RO60: variants seen among roughly 807,000 people sequenced by gnomAD.
RO60 encodes Ro60, Y RNA binding protein.
RO60 carries 20 observed loss-of-function variants against 55.3 expected under a neutral mutation model. The ratio of observed to expected loss-of-function variants is 0.36; its 90% CI spans 0.25 to 0.53. The LOEUF is 0.53. Ranked by LOEUF, RO60 falls within the 20% of genes least tolerant of loss-of-function variation. The probability of loss-of-function intolerance (pLI) is 0.92; values close to 1 mark genes in which losing one functional copy is unlikely to be tolerated. For synonymous variants in RO60, 213 were observed against 213.6 expected (o/e 1.00, Z 0.02); for missense variants, 558 against 646.6 (o/e 0.86, Z 1.49).
At chr1:193,060,797 A>G (rs1672574454) in intron 1 of RO60, among the ~76,000 whole-genome samples, 1 of 152,214 alleles carries the variant, frequency 6.6e-6, no homozygotes, top group South Asian at 2.1e-4. Flanking sequence ...CTTGGAGACT[A>G]GGAGGATTCT....
rs183476795 is a variant in RO60, at chr1:193,088,658, T to C, written c.*3927T>C. The stretch of plus-strand genomic sequence containing the variant: ...TCAAAAATGAAAAATTCTAGTCTTA[T>C]ATACTGCAGGTTTGGGGTGATTGTT... On this transcript the variant is annotated 3_prime_UTR_variant, in exon 9 of 9. Coordinates refer to ENST00000400968, the MANE Select transcript of RO60 (RefSeq NM_001173524.2). 5.9e-5 allele frequency: 9 copies of C among 152,318 alleles called. No homozygotes were observed. In the East Asian group the frequency reaches 1.5e-3, roughly 26 times the overall value. 9.4% of individuals were successfully genotyped at this position (152,318 alleles called of 1,614,324 possible). A position where few individuals can be genotyped will look rare whatever the true frequency, so the allele number is the denominator to read the frequency against.
chr1:193,062,704 A>G (rs748005737), intron 1 of RO60, among the ~76,000 whole-genome samples: 56 of 152,310 alleles, frequency 3.7e-4, no homozygotes, highest in Admixed American at 5.9e-4. Context: ...ACAGCCTCTG[A>G]CAACCTTAGA....
chr1:193,081,540 A>G (rs1009938340), intron 6 of RO60, 60 bp downstream of exon 6: 5 of 838,108 alleles, frequency 6.0e-6, no homozygotes, highest in African/African-American at 3.4e-5. Flanking sequence ...GAGCAAAACT[A>G]TAAGATTAAT....
At chr1:193,067,713 T>C (rs1416879918) in intron 1 of RO60, among the ~76,000 whole-genome samples, 1 of 152,190 alleles carries the variant, frequency 6.6e-6, no homozygotes, top group East Asian at 1.9e-4. Flanking sequence ...CAATTGTGGT[T>C]CCTCCATTAG....
At chr1:193,071,926 C>A (rs1370715158) in intron 2 of RO60, among the ~76,000 whole-genome samples, 1 of 150,454 alleles carries the variant, frequency 6.6e-6, no homozygotes, top group African/African-American at 2.4e-5. Context: ...TACATCATAG[C>A]CCTTTTGTCC....
At chr1:193,076,193 C>G (rs1426351418) in intron 3 of RO60, among the ~76,000 whole-genome samples, 153 bp downstream of exon 3, 1 of 151,764 alleles carries the variant, frequency 6.6e-6, no homozygotes, top group African/African-American at 2.4e-5. Context: ...AAACACCTAC[C>G]ATGATGTCCA....
intron 2 of RO60, among the ~76,000 whole-genome samples, chr1:193,074,492 G>GTTTTCAT (rs1308890811): frequency 8.5e-5 from 13 of 152,232 alleles, no homozygotes; most frequent in African/African-American, 2.7e-4. Context: ...GGCCAGTGAT[G>GTTTTCAT]ATGAGCATGT....
rs761477210 is a variant in RO60, at chr1:193,082,240, G to C, written c.1258G>C (p.Val420Leu). The change falls in exon 7 of 9, where the codon GTA (valine) becomes CTA (leucine). Residue 420 changes from valine (V) to leucine (L), a missense_variant. Val to Leu is a conservative substitution (Grantham distance 32). Coordinates refer to ENST00000400968, the MANE Select transcript of RO60 (RefSeq NM_001173524.2). ...SYVVAFSDEMVPCPVTTDMTL... is the reference protein window; with the variant it reads ...SYVVAFSDEMLPCPVTTDMTL... Reference sequence around the variant, plus strand: ...TGTAGTTGCTTTTTCCGATGAAATGGTACCATGTCCAGTGACTACAGATAT... The same window carrying C: ...TGTAGTTGCTTTTTCCGATGAAATGCTACCATGTCCAGTGACTACAGATAT... The C allele has an allele frequency of 3.7e-6, 6 of 1,613,362 alleles. No homozygotes were observed. The Admixed American group carries it at 6.7e-5, about 18-fold the overall frequency.
chr1:193,071,103 G>A (rs982180526), intron 2 of RO60, among the ~76,000 whole-genome samples: 3 of 152,144 alleles, frequency 2.0e-5, no homozygotes, highest in African/African-American at 7.2e-5. Flanking sequence ...ATTCTCATAA[G>A]GAGAGCGCAA....
At position 193,090,079 on chromosome 1, in the gene RO60, C is replaced by G. The variant is rs963340942; in HGVS notation, c.*5348C>G. The G allele has an allele frequency of 6.6e-6, 1 of 152,212 alleles. No homozygotes were observed. The highest frequency in any genetic ancestry group is 2.4e-5 in the African/African-American group (1 of 41,440). The allele number at this position is 152,212 out of a possible 1,614,324, so 9.4% of individuals were successfully genotyped here. ...TCGGCCTTCCAAAGTGCTAGGATTA[C>G]AGGCGTGAGCCACCGCACCTGGCCA... On this transcript the variant is annotated 3_prime_UTR_variant, in exon 9 of 9. Coordinates refer to ENST00000400968, the MANE Select transcript of RO60 (RefSeq NM_001173524.2).
At chr1:193,064,669 A>G (rs1003692801) in intron 1 of RO60, among the ~76,000 whole-genome samples, 1 of 152,218 alleles carries the variant, frequency 6.6e-6, no homozygotes, top group African/African-American at 2.4e-5. Flanking sequence ...TGCACTCTGG[A>G]AAGTACAGTC....
chr1:193,069,512 C>T lies in RO60; in HGVS notation c.458C>T (p.Ala153Val), dbSNP rs750010367. The change falls in exon 2 of 9, where the codon GCG becomes GTG. Residue 153 changes from alanine to valine, a missense_variant. By Grantham distance (64) the Ala-to-Val change is moderately conservative. Coordinates refer to ENST00000400968, the MANE Select transcript of RO60 (RefSeq NM_001173524.2). The part of the protein sequence containing the change: ...MWGRALRKAI[A>V]DWYNEKGGMA... ...GGTCGTGCCCTCCGGAAGGCTATAG[C>T]GGACTGGTACAATGAGAAAGGTGGC... The T allele has an allele frequency of 4.6e-5, 74 of 1,613,992 alleles. No individual in the cohort carries two copies. The highest frequency in any genetic ancestry group is 5.7e-5 in the Non-Finnish European group (67 of 1,180,020).
chr1:193,085,855 C>G lies in RO60; in HGVS notation c.*1124C>G, dbSNP rs1230813686. 1 of 984,988 alleles carries G rather than the reference C, an allele frequency of 1.0e-6. No individual in the cohort carries two copies. Among genetic ancestry groups the G allele is most frequent in the Non-Finnish European group, 1.2e-6 (1 of 829,808 alleles). The allele number at this position is 984,988 out of a possible 1,614,324, so 61.0% of individuals were successfully genotyped here. A position where few individuals can be genotyped will look rare whatever the true frequency, so the allele number is the denominator to read the frequency against. On this transcript the variant is annotated 3_prime_UTR_variant, in exon 9 of 9. Transcript: ENST00000400968. ...TTTTGAGTAGCATATTACCAGCTAG[C>G]CAGTCACTAGGAATTTTTTTCAGTA...
chr1:193,064,791 T>A (rs1673004646), intron 1 of RO60, among the ~76,000 whole-genome samples: 1 of 152,232 alleles, frequency 6.6e-6, no homozygotes, highest in Admixed American at 6.5e-5. Context: ...CATGAATAAG[T>A]AACTTTATTT....
At chr1:193,063,066 ATGCTAACTATATTTAACCT>A (rs1672888776) in intron 1 of RO60, among the ~76,000 whole-genome samples, 1 of 152,196 alleles carries the variant, frequency 6.6e-6, no homozygotes, top group Non-Finnish European at 1.5e-5. Flanking sequence ...CCTCGGTCAT[ATGCTAACTATATTTAACCT>A]TTTGAGAAAC....
intron 1 of RO60, among the ~76,000 whole-genome samples, chr1:193,065,335 G>A (rs1673033653): frequency 1.3e-5 from 2 of 152,232 alleles, no homozygotes; most frequent in East Asian, 1.9e-4. Context: ...AGAATTTGAG[G>A]GGAGAGGGAA....
At chr1:193,064,426 A>G (rs1444968130) in intron 1 of RO60, among the ~76,000 whole-genome samples, 2 of 152,206 alleles carry the variant, frequency 1.3e-5, no homozygotes, top group Non-Finnish European at 2.9e-5. Context: ...TCTGCTGGGT[A>G]TTATGTCCAA....
At chr1:193,065,303 C>T (rs564305446) in intron 1 of RO60, among the ~76,000 whole-genome samples, 1 of 152,200 alleles carries the variant, frequency 6.6e-6, no homozygotes, top group Admixed American at 6.5e-5. Flanking sequence ...TACATGTGGT[C>T]ACAATGAATA....
chr1:193,072,400 A>G (rs1274410111), intron 2 of RO60, among the ~76,000 whole-genome samples: 1 of 151,796 alleles, frequency 6.6e-6, no homozygotes, highest in Admixed American at 6.6e-5. Context: ...ATTTATATAC[A>G]GTGCATGCAT....
Sources: gnomAD v4.1 joint callset for allele counts (sites outside exome capture counted in the v4.1 genomes callset) on GRCh38, gnomAD v4.1.1 for gene constraint, MANE v1.5 for transcripts, NCBI Gene and HGNC (gene_info 2026-07-23, HGNC 2026-07-21) for gene names.